EXTL3: variants seen among roughly 807,000 people sequenced by gnomAD.
EXTL3 encodes exostosin like glycosyltransferase 3.
A neutral mutation model predicts 69.3 loss-of-function variants in EXTL3; 27 were observed. The ratio of observed to expected loss-of-function variants is 0.39; its 90% CI spans 0.29 to 0.54. EXTL3 has a LOEUF of 0.54. EXTL3 is among the 20% of genes least tolerant of loss of function. The probability of loss-of-function intolerance (pLI) is 0.69; values close to 1 mark genes in which losing one functional copy is unlikely to be tolerated. For synonymous variants in EXTL3, 511 were observed against 499.4 expected (o/e 1.02, Z -0.31); for missense variants, 1,003 against 1,231.8 (o/e 0.81, Z 2.78).
At chr8:28,647,481 C>A (rs1300804970) in intron 1 of EXTL3, among the ~76,000 whole-genome samples, 3 of 152,142 alleles carry the variant, frequency 2.0e-5, no homozygotes, top group African/African-American at 7.2e-5. Flanking sequence ...CTGTGTGAGG[C>A]AGGGATTCCT....
At chr8:28,613,798 C>G (rs1483315800) in intron 2 of EXTL3, among the ~76,000 whole-genome samples, 1 of 151,736 alleles carries the variant, frequency 6.6e-6, no homozygotes, top group Non-Finnish European at 1.5e-5. Flanking sequence ...GCCATAGGAT[C>G]AGTAGTGATG....
At chr8:28,632,121 C>T (rs1271878352) in intron 1 of EXTL3, among the ~76,000 whole-genome samples, 1 of 151,162 alleles carries the variant, frequency 6.6e-6, no homozygotes, top group Non-Finnish European at 1.5e-5. Flanking sequence ...AAAAATTTAT[C>T]TTGGGCCAGG....
chr8:28,686,353 G>GA (rs1053663243), intron 1 of EXTL3, among the ~76,000 whole-genome samples: 1 of 150,174 alleles, frequency 6.7e-6, no homozygotes, highest in African/African-American at 2.4e-5. Flanking sequence ...AAAAAGAAAA[G>GA]AAAAAAATTG....
At chr8:28,616,525 G>A (rs1236232246) in intron 2 of EXTL3, among the ~76,000 whole-genome samples, 1 of 152,164 alleles carries the variant, frequency 6.6e-6, no homozygotes, top group African/African-American at 2.4e-5. Flanking sequence ...TACTTGGGAG[G>A]CTGAGGCAGG....
At chr8:28,656,424 A>T (rs1807012551) in intron 1 of EXTL3, among the ~76,000 whole-genome samples, 1 of 152,154 alleles carries the variant, frequency 6.6e-6, no homozygotes, top group African/African-American at 2.4e-5. Context: ...CAGCTTCCCA[A>T]AGTGCTGGGA....
intron 6 of EXTL3, among the ~76,000 whole-genome samples, chr8:28,746,211 C>G (rs141530612): frequency 1.3e-5 from 2 of 152,236 alleles, no homozygotes; most frequent in East Asian, 3.9e-4. Context: ...TGGCAGTGTT[C>G]TTTCAATAAT....
At chr8:28,662,882 A>C (rs539190280) in intron 1 of EXTL3, among the ~76,000 whole-genome samples, 2 of 152,156 alleles carry the variant, frequency 1.3e-5, no homozygotes, top group Non-Finnish European at 2.9e-5. Flanking sequence ...ACCATTGCCC[A>C]GTTGTTTGAG....
At chr8:28,742,837 A>T (rs1801808103) in intron 5 of EXTL3, 2 of 500,970 alleles carry the variant, frequency 4.0e-6, no homozygotes, top group Non-Finnish European at 3.7e-6. Context: ...TCACTGCGGT[A>T]CCAGGGAGAT....
In EXTL3 at chr8:28,715,781, C is replaced by G; in HGVS notation, c.-279C>G. 2.2e-6 allele frequency: 1 copy of G among 453,824 alleles called. No homozygotes were observed. The highest frequency in any genetic ancestry group is 3.9e-6 in the Non-Finnish European group (1 of 253,942). The allele number at this position is 453,824 out of a possible 1,614,324, so 28.1% of individuals were successfully genotyped here. ...TCATCATCAGGTACCTCCTCCCTTT[C>G]ATCTCAGCAAGAATGTGGCACCTTT... On this transcript the variant is annotated 5_prime_UTR_variant, in exon 3 of 7. It introduces an in-frame stop codon into an upstream open reading frame of the 5' UTR. Coordinates refer to ENST00000220562, the MANE Select transcript of EXTL3 (RefSeq NM_001440.4).
At chr8:28,725,924 G>T (rs898151592) in intron 3 of EXTL3, among the ~76,000 whole-genome samples, 1 of 150,564 alleles carries the variant, frequency 6.6e-6, no homozygotes, top group Non-Finnish European at 1.5e-5. Context: ...CTTAGAGGCC[G>T]TGCTGATCTG....
At chr8:28,618,543 A>G (rs1303542983), upstream of EXTL3, among the ~76,000 whole-genome samples, 1 of 152,106 alleles carries the variant, frequency 6.6e-6, no homozygotes, top group Non-Finnish European at 1.5e-5. Flanking sequence ...AGATCAGGAG[A>G]AGCCTCACGT....
At chr8:28,645,138 C>T (rs898300783) in intron 1 of EXTL3, among the ~76,000 whole-genome samples, 3 of 152,100 alleles carry the variant, frequency 2.0e-5, no homozygotes, top group African/African-American at 7.2e-5. Flanking sequence ...CTCCTGGGGG[C>T]CTGCACTGTA....
chr8:28,653,362 T>C (rs550465445), intron 1 of EXTL3, among the ~76,000 whole-genome samples: 1 of 152,338 alleles, frequency 6.6e-6, no homozygotes, highest in Non-Finnish European at 1.5e-5. Context: ...TGCATACAAG[T>C]TTTTTATTTT....
At chr8:28,634,690 G>A (rs989447298) in intron 1 of EXTL3, among the ~76,000 whole-genome samples, 1 of 151,824 alleles carries the variant, frequency 6.6e-6, no homozygotes, top group Non-Finnish European at 1.5e-5. Flanking sequence ...CCACCCCCGG[G>A]TTCAAGTGAT....
At chr8:28,622,931 G>A (rs1480608923) in intron 1 of EXTL3, 3 of 152,192 alleles carry the variant, frequency 2.0e-5, no homozygotes, top group African/African-American at 7.2e-5. Flanking sequence ...CTGTAGCCCG[G>A]GCTTTACCCG....
intron 1 of EXTL3, among the ~76,000 whole-genome samples, chr8:28,686,935 A>G (rs546273434): frequency 6.6e-6 from 1 of 152,298 alleles, no homozygotes; most frequent in East Asian, 1.9e-4. Context: ...TGGCATAGTT[A>G]ATATTTGAAC....
chr8:28,693,439 C>T lies in EXTL3; in HGVS notation c.-52-20018C>T, dbSNP rs575772096. 1.1e-3 allele frequency among the ~76,000 whole-genome samples: 171 copies of T among 152,296 alleles called. 1 individual carries two copies. In the South Asian group the frequency reaches 0.027, roughly 24 times the overall value. Reference sequence around the variant, plus strand: ...GTGCTGGGATTATAGGCATGAGCCACAGTGCCCAGCCACAGAAAACAGATT... The same window carrying T: ...GTGCTGGGATTATAGGCATGAGCCATAGTGCCCAGCCACAGAAAACAGATT... On this transcript the variant is annotated intron_variant, in intron 1 of 6. Coordinates refer to the EXTL3 transcript ENST00000523149.
rs747297498 is a variant in EXTL3, at chr8:28,716,788, A to T, written c.729A>T (p.Gly243=). The T allele has an allele frequency of 6.2e-7, 1 of 1,614,258 alleles. No individual in the cohort carries two copies. The highest frequency in any genetic ancestry group is 2.2e-5 in the East Asian group (1 of 44,890). Residue 243 remains glycine, a synonymous_variant, in exon 3 of 7, where the codon GGA becomes GGT. Coordinates refer to ENST00000220562, the MANE Select transcript of EXTL3 (RefSeq NM_001440.4). The surrounding 1 kb of genome is among the most constrained non-coding windows in gnomAD (Gnocchi z 7.1). Reference sequence around the variant, plus strand: ...CCTGCCTTTACGTGATACTAGTGGGAGAGATGCAGGAGCCGGTGGTGCTGC... The same window carrying T: ...CCTGCCTTTACGTGATACTAGTGGGTGAGATGCAGGAGCCGGTGGTGCTGC... The part of the protein sequence containing the change: ...DIACLYVILV[G]EMQEPVVLRP...
chr8:28,671,309 G>GTTTTTTTTTTTTTT (rs749395423), intron 1 of EXTL3, among the ~76,000 whole-genome samples: 38 of 89,612 alleles, frequency 4.2e-4, no homozygotes, highest in Non-Finnish European at 6.6e-4. Flanking sequence ...TTTGTTTTTT[G>GTTTTTTTTTTTTTT]TTTTTTTTTT....
Sources: gnomAD v4.1 joint callset for allele counts (sites outside exome capture counted in the v4.1 genomes callset) on GRCh38, gnomAD v4.1.1 for gene constraint, Gnocchi (gnomAD v3.1) non-coding constraint, MANE v1.5 for transcripts, NCBI Gene and HGNC (gene_info 2026-07-23, HGNC 2026-07-21) for gene names.